CSE1L: variants seen among roughly 807,000 people sequenced by gnomAD.
CSE1L encodes the protein exportin-2.
Under a neutral mutation model 120.4 loss-of-function variants are expected in CSE1L, and 24 were observed. The observed-to-expected ratio is 0.20, with a 90% CI of 0.14 to 0.28. The LOEUF is 0.28. Among genes scored for constraint, CSE1L ranks in the 10% least tolerant of loss-of-function variants. CSE1L has a pLI of 1.00. For synonymous variants in CSE1L, 402 were observed against 398.3 expected (o/e 1.01, Z -0.11); for missense variants, 830 against 1,145.2 (o/e 0.72, Z 3.97).
intron 23 of CSE1L, 78 bp downstream of exon 23, chr20:49,094,364 C>T: frequency 1.5e-6 from 2 of 1,374,050 alleles, no homozygotes; most frequent in Admixed American, 4.1e-5. Context: ...AGCTTATTCT[C>T]TTGGGGGCCA....
At chr20:49,056,172 T>C (rs2091805266) in intron 1 of CSE1L, among the ~76,000 whole-genome samples, 1 of 151,442 alleles carries the variant, frequency 6.6e-6, no homozygotes, top group Admixed American at 6.6e-5. Context: ...AGTGGCACAA[T>C]CTTGGTTCAC....
rs1568792228 is a variant in CSE1L at position 49,096,902 on chromosome 20, A to G, written c.*464A>G. 6.4e-6 allele frequency: 1 copy of G among 155,854 alleles called. No homozygotes were observed. Among genetic ancestry groups the G allele is most frequent in the East Asian group, 1.9e-4 (1 of 5,244 alleles). The allele number at this position is 155,854 out of a possible 1,614,324, so 9.7% of individuals were successfully genotyped here. On this transcript the variant is annotated 3_prime_UTR_variant, in exon 25 of 25. Coordinates refer to ENST00000262982, the MANE Select transcript of CSE1L (RefSeq NM_001316.4). The stretch of plus-strand genomic sequence containing the variant: ...ACTTGCCAAGCAGTGCACATTTCAT[A>G]GTTTCAAATCTGTAATCAGCAATAA...
intron 15 of CSE1L, 64 bp downstream of exon 15, chr20:49,084,226 A>G: frequency 2.1e-6 from 3 of 1,442,940 alleles, no homozygotes; most frequent in African/African-American, 1.4e-5. Flanking sequence ...GGTCAAAGAT[A>G]TCTGAATGTT....
chr20:49,055,986 A>G (rs1240514014), intron 1 of CSE1L, among the ~76,000 whole-genome samples: 1 of 151,838 alleles, frequency 6.6e-6, no homozygotes, highest in Non-Finnish European at 1.5e-5. Context: ...CTTCTTTTTC[A>G]TAGAAGCCTC....
chr20:49,075,286 T>C (rs757989472), intron 11 of CSE1L, 32 bp from the exon 12 acceptor site: 11 of 1,538,708 alleles, frequency 7.1e-6, no homozygotes, highest in Middle Eastern at 1.7e-4. Flanking sequence ...TTGTTTTTTT[T>C]CCCCATAATA....
chr20:49,096,319 C>G (rs751978948), intron 24 of CSE1L, 30 bp from the exon 25 acceptor site: 4 of 1,563,824 alleles, frequency 2.6e-6, no homozygotes, highest in African/African-American at 2.7e-5. Flanking sequence ...AGATCTCCAA[C>G]AGCCAGTGTG....
At chr20:49,091,993 CCA>C in intron 21 of CSE1L, 51 bp from the exon 22 acceptor site, 1 of 950,596 alleles carries the variant, frequency 1.1e-6, no homozygotes, top group South Asian at 1.4e-5. Context: ...TTATCAGTTA[CCA>C]GTTTAGTGCG....
At chr20:49,089,491 G>C in intron 18 of CSE1L, 47 bp from the exon 19 acceptor site, 1 of 1,608,032 alleles carries the variant, frequency 6.2e-7, no homozygotes, top group Non-Finnish European at 8.5e-7. Flanking sequence ...TTTTGTGTCA[G>C]TCATTCCTTC....
chr20:49,092,208 A>AGAT (rs1316113390), intron 22 of CSE1L, 81 bp downstream of exon 22: 4 of 715,094 alleles, frequency 5.6e-6, no homozygotes, highest in Non-Finnish European at 9.3e-6. Flanking sequence ...TCTGTCTTAT[A>AGAT]GATGATGATG....
chr20:49,049,278 G>T (rs2091746389), intron 1 of CSE1L, among the ~76,000 whole-genome samples: 1 of 151,726 alleles, frequency 6.6e-6, no homozygotes, highest in Admixed American at 6.6e-5. Context: ...GGCTGACCTG[G>T]GCTCAGTCTA....
At chr20:49,067,078 A>AT in intron 5 of CSE1L, 112 bp from the exon 6 acceptor site, 1 of 450,154 alleles carries the variant, frequency 2.2e-6, no homozygotes, top group Non-Finnish European at 4.1e-6. Flanking sequence ...GAATTTCGGA[A>AT]TTTCGGAAAC....
intron 16 of CSE1L, 121 bp downstream of exon 16, chr20:49,085,507 A>T: frequency 2.1e-6 from 1 of 471,432 alleles, no homozygotes. Context: ...CCAAGTAGTA[A>T]GTTAGTTTAG....
intron 2 of CSE1L, among the ~76,000 whole-genome samples, chr20:49,060,957 ATG>A (rs1750414345): frequency 6.6e-6 from 1 of 152,130 alleles, no homozygotes; most frequent in African/African-American, 2.4e-5. Context: ...GAGGAAGAGA[ATG>A]TGTGTTATAT....
Position 49,088,153 on chromosome 20 carries a change from A to C in CSE1L, c.1821+47A>C, listed in dbSNP as rs760374990. On this transcript the variant is annotated intron_variant, in intron 17 of 24. Transcript: ENST00000262982. ...GTGGGGTTCCTTTTTTATTTGCTCC[A>C]AACTGTTTGGGCCTCAGAACTCTTT... 2.3e-6 allele frequency: 3 copies of C among 1,323,856 alleles called. No individual in the cohort carries two copies. The South Asian group carries it at 3.6e-5, about 16-fold the overall frequency. 82.0% of individuals were successfully genotyped at this position (1,323,856 alleles called of 1,614,324 possible).
At chr20:49,067,555 A>C (rs933470888) in intron 6 of CSE1L, among the ~76,000 whole-genome samples, 2 of 152,094 alleles carry the variant, frequency 1.3e-5, no homozygotes, top group Non-Finnish European at 2.9e-5. Flanking sequence ...CATTTCACCC[A>C]AGTATTTTAA....
chr20:49,076,802 A>G (rs985466662), intron 12 of CSE1L, among the ~76,000 whole-genome samples, 178 bp from the exon 13 acceptor site: 8 of 152,138 alleles, frequency 5.3e-5, no homozygotes, highest in Non-Finnish European at 1.5e-5. Context: ...AAGTGCTGGG[A>G]TTACAGCCGT....
chr20:49,093,577 T>A (rs952824112), intron 22 of CSE1L, among the ~76,000 whole-genome samples: 20 of 82,504 alleles, frequency 2.4e-4, no homozygotes, highest in African/African-American at 1.3e-3. Flanking sequence ...TTTTTTTTTT[T>A]TTTCTTTTTT....
intron 8 of CSE1L, among the ~76,000 whole-genome samples, chr20:49,070,819 A>G (rs894579058): frequency 2.6e-5 from 4 of 152,154 alleles, no homozygotes; most frequent in Non-Finnish European, 5.9e-5. Context: ...GCTAATGGTC[A>G]CAGCTACTCA....
intron 10 of CSE1L, among the ~76,000 whole-genome samples, chr20:49,073,687 T>TG (rs1321063410): frequency 2.6e-5 from 4 of 152,098 alleles, no homozygotes; most frequent in Non-Finnish European, 5.9e-5. Flanking sequence ...GGTCTTCCTA[T>TG]GTTGCACAGG....
Sources: allele counts gnomAD v4.1 joint callset (sites outside exome capture counted in the v4.1 genomes callset), GRCh38; gene constraint gnomAD v4.1.1; transcripts MANE v1.5; gene names NCBI Gene and HGNC (gene_info 2026-07-23, HGNC 2026-07-21).